Variants in SOX6 observed in about 807,000 individuals in gnomAD.
The protein encoded by SOX6 is SRY-box transcription factor 6.
Under a neutral mutation model 97.8 loss-of-function variants are expected in SOX6, and 11 were observed. The observed-to-expected ratio is 0.11, with a 90% CI of 0.07 to 0.19. SOX6 has a LOEUF of 0.19. Among genes scored for constraint, SOX6 ranks in the 10% least tolerant of loss-of-function variants. The pLI is 1.00. For synonymous variants in SOX6, 360 were observed against 371.4 expected (o/e 0.97, Z 0.35); for missense variants, 810 against 1,039.5 (o/e 0.78, Z 3.04).
chr11:16,612,180 C>T (rs1425004865), exon 4 of SOX6: 5 of 152,158 alleles, frequency 3.3e-5, no homozygotes, highest in Non-Finnish European at 7.4e-5. Flanking sequence ...GAGTGCCAGT[C>T]TGCGTACACC....
chr11:16,084,260 T>C (rs1848532639), intron 9 of SOX6, among the ~76,000 whole-genome samples: 2 of 152,138 alleles, frequency 1.3e-5, no homozygotes, highest in African/African-American at 4.8e-5. Flanking sequence ...ATTAGCCCTA[T>C]ACTATCTGTT....
At chr11:16,611,669 G>C (rs1349854704) in intron 4 of SOX6, among the ~76,000 whole-genome samples, 1 of 152,240 alleles carries the variant, frequency 6.6e-6, no homozygotes, top group African/African-American at 2.4e-5. Flanking sequence ...CCTCAAAGAG[G>C]TCGGAACTCG....
intron 2 of SOX6, among the ~76,000 whole-genome samples, chr11:16,328,997 AT>A (rs535435713): frequency 1.4e-4 from 22 of 152,208 alleles, no homozygotes; most frequent in South Asian, 1.0e-3. Context: ...GTGAAAGTGT[AT>A]TTTTTTCTTT....
At chr11:16,115,514 T>C (rs1329161853) in intron 6 of SOX6, among the ~76,000 whole-genome samples, 2 of 152,166 alleles carry the variant, frequency 1.3e-5, no homozygotes, top group Non-Finnish European at 2.9e-5. Context: ...TCTGACAGTG[T>C]ACATTTCTAA....
At chr11:16,692,571 A>G (rs1848024165) in intron 3 of SOX6, among the ~76,000 whole-genome samples, 1 of 152,242 alleles carries the variant, frequency 6.6e-6, no homozygotes, top group Non-Finnish European at 1.5e-5. Context: ...TCTATTTAGA[A>G]GACAGTTTAC....
intron 3 of SOX6, among the ~76,000 whole-genome samples, chr11:16,280,918 A>C (rs1854541710): frequency 1.3e-5 from 2 of 152,114 alleles, no homozygotes. Flanking sequence ...TAAATACTAC[A>C]TATTGATAGA....
intron 1 of SOX6, among the ~76,000 whole-genome samples, chr11:16,362,411 A>T (rs1428088014): frequency 1.3e-5 from 2 of 152,176 alleles, no homozygotes; most frequent in Non-Finnish European, 2.9e-5. Flanking sequence ...CTTGTGGAAC[A>T]ATCATAGCAA....
chr11:16,425,863 G>T (rs980008263), intron 1 of SOX6, among the ~76,000 whole-genome samples: 2 of 151,888 alleles, frequency 1.3e-5, no homozygotes, highest in African/African-American at 2.4e-5. Context: ...TAGGAAGAAT[G>T]AATATTACTG....
At chr11:16,073,107 G>T (rs1235121845) in intron 9 of SOX6, among the ~76,000 whole-genome samples, 1 of 152,084 alleles carries the variant, frequency 6.6e-6, no homozygotes, top group East Asian at 1.9e-4. Context: ...TATTAACTTT[G>T]AATGTAAATG....
At chr11:16,219,368 T>G in intron 4 of SOX6, among the ~76,000 whole-genome samples, 1 of 152,084 alleles carries the variant, frequency 6.6e-6, no homozygotes, top group Non-Finnish European at 1.5e-5. Context: ...TATCCTTTAC[T>G]ATGTCAGGCC....
chr11:16,713,404 A>G (rs890475212), intron 3 of SOX6, among the ~76,000 whole-genome samples: 9 of 152,180 alleles, frequency 5.9e-5, no homozygotes, highest in African/African-American at 2.2e-4. Flanking sequence ...ACTTCACAAT[A>G]TAAACAACAT....
At chr11:16,627,832 T>G (rs533359988) in intron 3 of SOX6, among the ~76,000 whole-genome samples, 22 of 152,328 alleles carry the variant, frequency 1.4e-4, no homozygotes, top group Non-Finnish European at 3.1e-4. Context: ...TTGTTTTTGT[T>G]GCAATTGCTT....
At chr11:16,454,703 C>T (rs1859782652) in intron 1 of SOX6, among the ~76,000 whole-genome samples, 2 of 152,110 alleles carry the variant, frequency 1.3e-5, no homozygotes, top group South Asian at 4.1e-4. Flanking sequence ...GCAAGGAAAA[C>T]AGAAGTGGAA....
chr11:16,166,649 C>A (rs1850894514), intron 6 of SOX6, among the ~76,000 whole-genome samples: 1 of 152,048 alleles, frequency 6.6e-6, no homozygotes, highest in African/African-American at 2.4e-5. Flanking sequence ...ATTTAAAAGG[C>A]CCAAGGGACT....
At chr11:16,534,231 A>G (rs575883554) in intron 4 of SOX6, among the ~76,000 whole-genome samples, 38 of 152,290 alleles carry the variant, frequency 2.5e-4, no homozygotes, top group African/African-American at 8.9e-4. Context: ...AGAAAAACCT[A>G]GAAAATTCTC....
chr11:16,690,946 A>G (rs904570563), intron 3 of SOX6, among the ~76,000 whole-genome samples: 7 of 152,262 alleles, frequency 4.6e-5, no homozygotes, highest in Admixed American at 1.3e-4. Flanking sequence ...GCTAATGTGC[A>G]TTAGGAAGCA....
intron 6 of SOX6, among the ~76,000 whole-genome samples, chr11:16,124,672 G>A (rs1227500912): frequency 6.6e-6 from 1 of 152,022 alleles, no homozygotes; most frequent in African/African-American, 2.4e-5. Context: ...TAGAAAGACA[G>A]GTGGAGATCA....
At chr11:16,331,849 A>G (rs567277848) in intron 2 of SOX6, among the ~76,000 whole-genome samples, 4 of 152,250 alleles carry the variant, frequency 2.6e-5, no homozygotes, top group African/African-American at 9.6e-5. Flanking sequence ...GCATTCCTCT[A>G]CCTGAATGCA....
chr11:16,384,682 G>T (rs1028573548), intron 1 of SOX6, among the ~76,000 whole-genome samples: 1 of 151,926 alleles, frequency 6.6e-6, no homozygotes, highest in South Asian at 2.1e-4. Context: ...TAAGGGAAAT[G>T]CACCTTTTTA....
Sources: gnomAD v4.1 joint callset for allele counts (sites outside exome capture counted in the v4.1 genomes callset) on GRCh38, gnomAD v4.1.1 for gene constraint, MANE v1.5 for transcripts, NCBI Gene and HGNC (gene_info 2026-07-23, HGNC 2026-07-21) for gene names.